Variants in GRID2 observed in about 807,000 individuals in gnomAD.
GRID2 encodes the protein glutamate receptor ionotropic, delta-2.
GRID2 carries 33 observed loss-of-function variants against 114.8 expected under a neutral mutation model. The observed-to-expected ratio is 0.29, with a 90% CI of 0.22 to 0.38. The LOEUF is 0.38. Ranked by LOEUF, GRID2 falls within the 10% of genes least tolerant of loss-of-function variation. The pLI, the probability that GRID2 is intolerant of heterozygous loss-of-function variation, is 1.00. For missense variants in GRID2, 1,184 were observed against 1,257.7 expected (o/e 0.94, Z 0.89); for synonymous variants, 505 against 449.9 (o/e 1.12, Z -1.55).
chr4:92,350,934 C>CT (rs1228234995), intron 1 of GRID2, among the ~76,000 whole-genome samples: 3 of 151,702 alleles, frequency 2.0e-5, no homozygotes, highest in Non-Finnish European at 2.9e-5. Flanking sequence ...AATACGTGGT[C>CT]TTTTTTGACT....
chr4:93,741,159 C>CTATATA lies in GRID2; in HGVS notation c.2361-28042_2361-28037dup, dbSNP rs879839195. Among the ~76,000 whole-genome samples, 46 of 47,144 alleles carry CTATATA rather than the reference C, an allele frequency of 9.8e-4. 3 individuals are homozygous for CTATATA. Among genetic ancestry groups the CTATATA allele is most frequent in the African/African-American group, 1.8e-3 (14 of 7,742 alleles). The allele number at this position is 47,144 out of a possible 152,430, so 30.9% of individuals were successfully genotyped here. A position where few individuals can be genotyped will look rare whatever the true frequency, so the allele number is the denominator to read the frequency against. On this transcript the variant is annotated intron_variant, in intron 14 of 15. Transcript: ENST00000282020. The stretch of plus-strand genomic sequence containing the variant: ...TAACTAACTGATTTCACCTGAGAAA[C>CTATATA]TATATATATATATACATATATATAT...
chr4:93,497,897 TTAAA>T (rs1479991161), intron 12 of GRID2, among the ~76,000 whole-genome samples: 2 of 151,876 alleles, frequency 1.3e-5, no homozygotes, highest in Non-Finnish European at 2.9e-5. Context: ...AGTAATTGCA[TTAAA>T]TAAATTGGAG....
At chr4:92,475,722 G>A (rs370964513) in intron 1 of GRID2, among the ~76,000 whole-genome samples, 25 of 151,834 alleles carry the variant, frequency 1.6e-4, no homozygotes, top group East Asian at 5.8e-4. Context: ...TCATGGGGGC[G>A]TTCATAGGCA....
chr4:92,952,926 T>C (rs1752136196), intron 2 of GRID2, among the ~76,000 whole-genome samples: 1 of 152,206 alleles, frequency 6.6e-6, no homozygotes, highest in Admixed American at 6.5e-5. Flanking sequence ...ATGCTGCCAC[T>C]GAAACATGTA....
chr4:92,936,982 T>C (rs1234833282), intron 2 of GRID2, among the ~76,000 whole-genome samples: 1 of 146,644 alleles, frequency 6.8e-6, no homozygotes, highest in Non-Finnish European at 1.5e-5. Flanking sequence ...TGTATTTCTT[T>C]TTTGGAGAAA....
intron 14 of GRID2, among the ~76,000 whole-genome samples, chr4:93,738,716 A>G (rs1353189270): frequency 1.3e-5 from 2 of 152,144 alleles, no homozygotes; most frequent in Non-Finnish European, 2.9e-5. Context: ...CTGAGAACAT[A>G]ATATGGAGAT....
chr4:92,509,378 C>A (rs1724128886), intron 1 of GRID2, among the ~76,000 whole-genome samples: 1 of 151,876 alleles, frequency 6.6e-6, no homozygotes, highest in Non-Finnish European at 1.5e-5. Context: ...GGATCTTAAT[C>A]AGCAAACAAC....
In GRID2 at chr4:92,672,875, T is replaced by C. The variant is rs145881695; in HGVS notation, c.244+82589T>C. 2.8e-3 allele frequency among the ~76,000 whole-genome samples: 421 copies of C among 152,236 alleles called. 1 individual carries two copies. Among genetic ancestry groups the C allele is most frequent in the African/African-American group, 9.6e-3 (398 of 41,558 alleles). On this transcript the variant is annotated intron_variant, in intron 2 of 15. Coordinates refer to ENST00000282020, the MANE Select transcript of GRID2 (RefSeq NM_001510.4). ...TTTTGAAATGTACAATGAAATAATA[T>C]TAACTATAGTCATCCTACCAATCTA...
In GRID2 at chr4:92,685,317, G is replaced by A. The variant is rs1368660704; in HGVS notation, c.244+95031G>A. 3.9e-5 allele frequency among the ~76,000 whole-genome samples: 6 copies of A among 152,070 alleles called. No individual in the cohort carries two copies. The East Asian group carries it at 1.2e-3, about 29-fold the overall frequency. On this transcript the variant is annotated intron_variant, in intron 2 of 15. Transcript: ENST00000282020. Reference sequence around the variant, plus strand: ...CTTGATGCTCTTAGGAATTTCCCGTGCCCAGGTAAGGGAGACAGGTAAATA... The same window carrying A: ...CTTGATGCTCTTAGGAATTTCCCGTACCCAGGTAAGGGAGACAGGTAAATA...
intron 1 of GRID2, among the ~76,000 whole-genome samples, chr4:92,428,920 G>T (rs1407680386): frequency 6.6e-6 from 1 of 151,964 alleles, no homozygotes; most frequent in Non-Finnish European, 1.5e-5. Flanking sequence ...GAACGTGCAG[G>T]TTTGTTACTT....
intron 4 of GRID2, among the ~76,000 whole-genome samples, chr4:93,202,581 A>C (rs1742222987): frequency 6.6e-6 from 1 of 152,182 alleles, no homozygotes; most frequent in African/African-American, 2.4e-5. Flanking sequence ...TAAAATCCAG[A>C]AGTAATTTAG....
At chr4:92,562,579 G>A (rs1422059937) in intron 1 of GRID2, among the ~76,000 whole-genome samples, 4 of 152,046 alleles carry the variant, frequency 2.6e-5, no homozygotes, top group Non-Finnish European at 5.9e-5. Context: ...CCTGCTTTAT[G>A]TAGAGCCCCC....
chr4:93,799,696 ATT>A (rs1425332240), intron 1 of GRID2, among the ~76,000 whole-genome samples: 3 of 152,192 alleles, frequency 2.0e-5, no homozygotes, highest in Admixed American at 6.5e-5. Flanking sequence ...AATTAGTATG[ATT>A]TAGCTAGATG....
intron 8 of GRID2, among the ~76,000 whole-genome samples, chr4:93,355,776 A>G (rs1344809776): frequency 6.6e-6 from 1 of 152,078 alleles, no homozygotes; most frequent in Non-Finnish European, 1.5e-5. Context: ...CAAAAAATAT[A>G]TTTGCCCTGA....
intron 1 of GRID2, among the ~76,000 whole-genome samples, chr4:92,370,011 T>C (rs1729047193): frequency 6.6e-6 from 1 of 152,214 alleles, no homozygotes; most frequent in Non-Finnish European, 1.5e-5. Flanking sequence ...ACAGTTATTG[T>C]GTTTTTTTCA....
At chr4:92,484,281 A>ATGCC (rs1486596823) in intron 1 of GRID2, among the ~76,000 whole-genome samples, 4 of 152,188 alleles carry the variant, frequency 2.6e-5, no homozygotes, top group Non-Finnish European at 5.9e-5. Flanking sequence ...AGGCACCAAG[A>ATGCC]TGCCTCATCC....
At chr4:93,659,795 T>A (rs1723325262) in intron 14 of GRID2, among the ~76,000 whole-genome samples, 1 of 151,964 alleles carries the variant, frequency 6.6e-6, no homozygotes, top group Non-Finnish European at 1.5e-5. Context: ...TTAAGAGGAC[T>A]CAGTACTGAA....
intron 1 of GRID2, among the ~76,000 whole-genome samples, chr4:92,549,330 T>G (rs1488214436): frequency 6.6e-6 from 1 of 152,138 alleles, no homozygotes; most frequent in Non-Finnish European, 1.5e-5. Context: ...GAGATATGGT[T>G]ACCCTCAGGG....
intron 2 of GRID2, among the ~76,000 whole-genome samples, chr4:92,836,570 T>A (rs909606945): frequency 1.3e-5 from 2 of 152,106 alleles, no homozygotes; most frequent in East Asian, 3.9e-4. Context: ...TGCATTGTTA[T>A]ATATTACAGT....
Sources: gnomAD v4.1 joint callset for allele counts (sites outside exome capture counted in the v4.1 genomes callset) on GRCh38, gnomAD v4.1.1 for gene constraint, MANE v1.5 for transcripts, NCBI Gene and HGNC (gene_info 2026-07-23, HGNC 2026-07-21) for gene names.